The following TOP3A variants were observed in gnomAD, a reference collection of about 807,000 sequenced individuals.
TOP3A encodes the protein DNA topoisomerase III alpha, also known as DNA topoisomerase 3-alpha.
A neutral mutation model predicts 111.3 loss-of-function variants in TOP3A; 64 were observed. The observed-to-expected ratio is 0.57, with a 90% CI of 0.47 to 0.71. The LOEUF is 0.71. TOP3A is among the 30% of genes least tolerant of loss of function. TOP3A has a pLI of 0.00. For missense variants in TOP3A, 1,104 were observed against 1,285.0 expected, an observed-to-expected ratio of 0.86 and a Z score of 2.15; for synonymous variants, 484 against 485.1, an observed-to-expected ratio of 1.00 and a Z score of 0.03.
intron 5 of TOP3A, among the ~76,000 whole-genome samples, chr17:18,304,391 T>C (rs1052665597): frequency 1.3e-5 from 2 of 152,228 alleles, no homozygotes; most frequent in Non-Finnish European, 2.9e-5. Flanking sequence ...ATATACACAC[T>C]GTCCTTGAAA....
chr17:18,275,298 A>G (rs1435086285), intron 18 of TOP3A, among the ~76,000 whole-genome samples: 6 of 148,756 alleles, frequency 4.0e-5, no homozygotes, highest in African/African-American at 1.5e-4. Flanking sequence ...TGTCTCAAAA[A>G]AAAAAAAAAA....
chr17:18,281,194 C>T (rs970869004), intron 16 of TOP3A, among the ~76,000 whole-genome samples: 16 of 152,140 alleles, frequency 1.1e-4, no homozygotes, highest in African/African-American at 3.1e-4. Flanking sequence ...AGTCATGAAA[C>T]GTTAGGGTTT....
intron 15 of TOP3A, among the ~76,000 whole-genome samples, chr17:18,283,617 A>G (rs1294050886): frequency 6.6e-6 from 1 of 152,112 alleles, no homozygotes; most frequent in Non-Finnish European, 1.5e-5. Flanking sequence ...CTCTAATTCA[A>G]TTCAATTCTG....
chr17:18,289,261 C>T (rs191117354), intron 13 of TOP3A, among the ~76,000 whole-genome samples: 24 of 152,276 alleles, frequency 1.6e-4, no homozygotes, highest in Admixed American at 1.2e-3. Flanking sequence ...GTGATCCACC[C>T]GCCTTGGCCT....
At chr17:18,304,651 TGTG>T (rs1294488674) in intron 5 of TOP3A, among the ~76,000 whole-genome samples, 17 of 152,250 alleles carry the variant, frequency 1.1e-4, no homozygotes, top group Non-Finnish European at 2.4e-4. Flanking sequence ...GTACTTTACT[TGTG>T]GTATATTCAT....
intron 1 of TOP3A, among the ~76,000 whole-genome samples, chr17:18,311,164 C>T (rs1444803208): frequency 6.6e-6 from 1 of 151,794 alleles, no homozygotes; most frequent in East Asian, 1.9e-4. Context: ...GCATGCCCGG[C>T]TAATTTTTTG....
At chr17:18,294,496 A>AT (rs1261790324) in intron 10 of TOP3A, among the ~76,000 whole-genome samples, 1 of 151,952 alleles carries the variant, frequency 6.6e-6, no homozygotes, top group Admixed American at 6.6e-5. Context: ...CGTCCAGCTA[A>AT]TTTTTGTATT....
Position 18,302,698 on chromosome 17 carries a change from T to C in TOP3A, c.525A>G (p.Arg175=). The change falls in exon 6 of 19, where the codon CGA becomes CGG. Residue 175 remains arginine, a synonymous_variant. Coordinates refer to ENST00000321105, the MANE Select transcript of TOP3A (RefSeq NM_004618.5). The stretch of plus-strand genomic sequence containing the variant: ...GGGGTGTGATCTCAGAGAATCGGGC[T>C]CGCAACACCTGCAGATTGGGCTTTA... The part of the protein sequence containing the change: ...KAVKPNLQVL[R]ARFSEITPHA... 1 of 1,612,982 alleles carries C rather than the reference T, an allele frequency of 6.2e-7. No homozygotes were observed.
intron 13 of TOP3A, among the ~76,000 whole-genome samples, chr17:18,288,691 C>T (rs767245145): frequency 6.6e-6 from 1 of 152,182 alleles, no homozygotes; most frequent in Non-Finnish European, 1.5e-5. Context: ...TTCCTCAGGC[C>T]TACCCTGCAC....
intron 4 of TOP3A, 29 bp from the exon 5 acceptor site, chr17:18,305,249 G>A (rs761429385): frequency 3.2e-6 from 5 of 1,569,904 alleles, no homozygotes; most frequent in East Asian, 2.2e-5. Context: ...TAAGAGTGGT[G>A]AGAACAGAAT....
chr17:18,284,683 C>T (rs1979979159), intron 15 of TOP3A, among the ~76,000 whole-genome samples: 1 of 151,966 alleles, frequency 6.6e-6, no homozygotes. Flanking sequence ...CTAAATGCTC[C>T]AGAAAACAAA....
At chr17:18,303,744 T>C (rs1234478266) in intron 5 of TOP3A, among the ~76,000 whole-genome samples, 1 of 152,052 alleles carries the variant, frequency 6.6e-6, no homozygotes, top group Non-Finnish European at 1.5e-5. Context: ...TTCCCCTCCC[T>C]GAGATAGTAA....
At chr17:18,304,471 C>T (rs1597983857) in intron 5 of TOP3A, among the ~76,000 whole-genome samples, 1 of 152,078 alleles carries the variant, frequency 6.6e-6, no homozygotes, top group South Asian at 2.1e-4. Flanking sequence ...AAGTAGCAAC[C>T]CCACCCTCTG....
intron 18 of TOP3A, 64 bp downstream of exon 18, chr17:18,277,611 C>T (rs1438427817): frequency 6.5e-7 from 1 of 1,537,616 alleles, no homozygotes; most frequent in Non-Finnish European, 8.8e-7. Flanking sequence ...TCTGCTGTCC[C>T]CAGTCTCTGA....
rs200299586 is a variant in TOP3A at position 18,285,228 on chromosome 17, A to G, written c.1791T>C (p.Asp597=). The G allele has an allele frequency of 2.9e-5, 47 of 1,614,210 alleles. No homozygotes were observed. The East Asian group carries it at 8.2e-4, about 28-fold the overall frequency. Residue 597 remains aspartate (D), a synonymous_variant, in exon 15 of 19, where the codon GAT becomes GAC. Transcript: ENST00000321105. ...ELEADLKLIC[D]GKKDKFVVLR... ...GAACCACAAATTTGTCCTTTTTGCCATCACAGATCAGCTTCAGATCAGCTT... is the reference window on the plus strand; with the variant it reads ...GAACCACAAATTTGTCCTTTTTGCCGTCACAGATCAGCTTCAGATCAGCTT...
chr17:18,290,587 G>A lies in TOP3A; in HGVS notation c.1567C>T (p.Leu523Phe). 1 of 1,606,978 alleles carries A rather than the reference G, an allele frequency of 6.2e-7. No individual in the cohort carries two copies. Among genetic ancestry groups the A allele is most frequent in the Non-Finnish European group, 8.5e-7 (1 of 1,175,968 alleles). ...CCATGCTTCTCCATGAGGGCAATGA[G>A]GTCGGCCTCGGTGAGCAGCTTGGGT... ...SPPKLLTEADLIALMEKHGIG... is the reference protein window; with the variant it reads ...SPPKLLTEADFIALMEKHGIG... The change falls in exon 13 of 19, where the codon CTC (leucine) becomes TTC (phenylalanine). Residue 523 changes from leucine (L) to phenylalanine (F), a missense_variant. Transcript: ENST00000321105.
At position 18,306,890 on chromosome 17, in the gene TOP3A, C is replaced by A; in HGVS notation, c.390+1G>T. On this transcript the variant is annotated splice_donor_variant, in intron 4 of 18. Coordinates refer to ENST00000321105, the MANE Select transcript of TOP3A (RefSeq NM_004618.5). LOFTEE classifies it high-confidence loss of function. ...GCCATATGTCTTCCAAAAGACCCTA[C>A]CTTGATGTCTACAAAATTCTCTGGG... 1.2e-6 allele frequency: 2 copies of A among 1,607,544 alleles called. No homozygotes were observed. The highest frequency in any genetic ancestry group is 4.5e-5 in the East Asian group (2 of 44,844).
chr17:18,277,365 A>G (rs770722823), intron 18 of TOP3A, among the ~76,000 whole-genome samples: 142 of 152,314 alleles, frequency 9.3e-4, no homozygotes, highest in Non-Finnish European at 1.7e-3. Context: ...TTTCTCACTT[A>G]TAAGTAAAAT....
chr17:18,314,763 C>G lies in TOP3A; in HGVS notation c.16G>C (p.Ala6Pro). 6.4e-7 allele frequency: 1 copy of G among 1,553,360 alleles called. No individual in the cohort carries two copies. Among genetic ancestry groups the G allele is most frequent in the Non-Finnish European group, 8.7e-7 (1 of 1,148,844 alleles). Residue 6 changes from alanine (A) to proline (P), a missense_variant, in exon 1 of 19, where the codon GCC becomes CCC. Coordinates refer to ENST00000321105, the MANE Select transcript of TOP3A (RefSeq NM_004618.5). ...CGCAGCCACCGGAGCGCGTAGCGGGCGACAGGAAAGATCATCCTCAGACCT... is the reference window on the plus strand; with the variant it reads ...CGCAGCCACCGGAGCGCGTAGCGGGGGACAGGAAAGATCATCCTCAGACCT... Reference protein sequence around the residue: MIFPVARYALRWLRRP... With the variant: MIFPVPRYALRWLRRP...
Sources: gnomAD v4.1 joint callset for allele counts (sites outside exome capture counted in the v4.1 genomes callset) on GRCh38, gnomAD v4.1.1 for gene constraint, MANE v1.5 for transcripts, NCBI Gene and HGNC (gene_info 2026-07-23, HGNC 2026-07-21) for gene names.